Variants in PHRF1 observed in about 807,000 individuals in gnomAD.
PHRF1 encodes the protein PHD and RING finger domain-containing protein 1.
PHRF1 carries 53 observed loss-of-function variants against 128.9 expected under a neutral mutation model. The observed-to-expected ratio is 0.41, with a 90% CI of 0.33 to 0.52. PHRF1 has a LOEUF of 0.52. Among genes scored for constraint, PHRF1 ranks in the 20% least tolerant of loss-of-function variants. The pLI is 0.21. For synonymous variants in PHRF1, 1,178 were observed against 980.6 expected, an observed-to-expected ratio of 1.20 and a Z score of -3.76; for missense variants, 2,503 against 2,284.5, an observed-to-expected ratio of 1.10 and a Z score of -1.95.
rs764814075 is a variant in PHRF1, at chr11:581,568, A to G, written c.56A>G (p.His19Arg). 6.2e-7 allele frequency: 1 copy of G among 1,613,256 alleles called. No individual in the cohort carries two copies. Among genetic ancestry groups the G allele is most frequent in the African/African-American group, 1.3e-5 (1 of 74,928 alleles). Residue 19 changes from histidine (H) to arginine (R), a missense_variant, in exon 2 of 18, where the codon CAC (histidine) becomes CGC (arginine). By Grantham distance (29) the His-to-Arg change is conservative. Transcript: ENST00000264555. ...GCCCGGAGCCCAGGGCCGGATGGACACCCACAGGTCGGCCCTGCGGACCCG... is the reference window on the plus strand; with the variant it reads ...GCCCGGAGCCCAGGGCCGGATGGACGCCCACAGGTCGGCCCTGCGGACCCG... ...LVARSPGPDG[H>R]PQVGPADPAG...
At chr11:578,794 G>T (rs1290026069) in intron 1 of PHRF1, among the ~76,000 whole-genome samples, 1 of 152,024 alleles carries the variant, frequency 6.6e-6, no homozygotes, top group Non-Finnish European at 1.5e-5. Flanking sequence ...CAAGTGATCT[G>T]CCTGCCTCAG....
chr11:583,122 G>T (rs11246201), intron 3 of PHRF1, among the ~76,000 whole-genome samples: 3 of 151,482 alleles, frequency 2.0e-5, no homozygotes, highest in Admixed American at 2.0e-4. Flanking sequence ...GGGCGGATCA[G>T]GAGGTCAGGA....
intron 10 of PHRF1, among the ~76,000 whole-genome samples, chr11:602,067 A>T (rs1197955676): frequency 6.6e-6 from 1 of 152,042 alleles, no homozygotes. Flanking sequence ...GGTTTCAGGC[A>T]GGCCTGGCCA....
intron 1 of PHRF1, among the ~76,000 whole-genome samples, chr11:577,521 T>C (rs1236203118): frequency 6.6e-6 from 1 of 152,236 alleles, no homozygotes; most frequent in Non-Finnish European, 1.5e-5. Context: ...GTCAGAGTGC[T>C]AGTGGATGGA....
intron 12 of PHRF1, 43 bp from the exon 13 acceptor site, chr11:606,399 C>T (rs7929316): frequency 0.051 from 77,148 of 1,512,688 alleles, 3,076 homozygotes; most frequent in African/African-American, 0.2. Flanking sequence ...GCCCTCAGGC[C>T]GTGGGAGGCA....
At chr11:610,930 G>T (rs770734159) in intron 16 of PHRF1, 24 bp from the exon 17 acceptor site, 2 of 1,609,342 alleles carry the variant, frequency 1.2e-6, no homozygotes, top group South Asian at 2.2e-5. Context: ...CTTCCTGGCC[G>T]CATCACACAC....
Position 610,361 on chromosome 11 carries a change from C to A in PHRF1, c.4416+14C>A. 1 of 1,551,808 alleles carries A rather than the reference C, an allele frequency of 6.4e-7. No homozygotes were observed. Among genetic ancestry groups the A allele is most frequent in the Non-Finnish European group, 8.7e-7 (1 of 1,147,102 alleles). Reference sequence around the variant, plus strand: ...GACCCCTCTCAGGTGGGTGTCTGGGCTGGAGGGCTGTGGGCCGTGGGCAGT... The same window carrying A: ...GACCCCTCTCAGGTGGGTGTCTGGGATGGAGGGCTGTGGGCCGTGGGCAGT... On this transcript the variant is annotated intron_variant, in intron 15 of 17. Transcript: ENST00000264555.
intron 16 of PHRF1, 83 bp from the exon 17 acceptor site, chr11:610,871 A>G (rs778314328): frequency 4.5e-4 from 712 of 1,587,396 alleles, no homozygotes; most frequent in Non-Finnish European, 5.8e-4. Flanking sequence ...CTGGAACTGC[A>G]AGGGTGTCCA....
At position 587,239 on chromosome 11, in the gene PHRF1, C is replaced by G. The variant is rs1029297899; in HGVS notation, c.215-20C>G. 3 of 1,610,540 alleles carry G rather than the reference C, an allele frequency of 1.9e-6. No individual in the cohort carries two copies. The highest frequency in any genetic ancestry group is 2.5e-6 in the Non-Finnish European group (3 of 1,178,792). ...ACGCTGCCCATCCTGCTTGCACCAG[C>G]TGGCATGTTTCCTCTCCAGGTTCCG... is the stretch of plus-strand genomic sequence containing the variant. On this transcript the variant is annotated intron_variant, in intron 3 of 17. Coordinates refer to ENST00000264555, the MANE Select transcript of PHRF1 (RefSeq NM_001286581.2).
Position 609,408 on chromosome 11 carries a change from G to A in PHRF1, c.3952G>A (p.Ala1318Thr), listed in dbSNP as rs1030368993. The A allele has an allele frequency of 1.6e-5, 25 of 1,609,956 alleles. No individual in the cohort carries two copies. Among genetic ancestry groups the A allele is most frequent in the Middle Eastern group, 1.6e-4 (1 of 6,084 alleles). ...GCCCCCAGCCAGCCTGGCCGTGGCC[G>A]CCATCCAGAGGGAGGTGTCATTGAT... ...ALPPASLAVA[A>T]IQREVSLMHD... Residue 1318 changes from alanine (A) to threonine (T), a missense_variant, in exon 14 of 18, where the codon GCC becomes ACC. Transcript: ENST00000264555.
chr11:589,880 A>AGG (rs1307798393), intron 4 of PHRF1, among the ~76,000 whole-genome samples: 2 of 143,036 alleles, frequency 1.4e-5, no homozygotes, highest in Non-Finnish European at 3.0e-5. Flanking sequence ...TCAGCCTGAG[A>AGG]ATGTCTGCAA....
rs748342294 is a variant in PHRF1 at position 611,022 on chromosome 11, C to T, written c.4746C>T (p.Tyr1582=). ...EEVKLAIKPF[Y]QKREVTKEEY... is the part of the protein sequence containing the mutation. The stretch of plus-strand genomic sequence containing the variant: ...TGAAGCTGGCCATCAAGCCCTTCTA[C>T]CAGAAGAGGGAGGTGACCAAGGAGG... The change falls in exon 17 of 18, where the codon TAC becomes TAT. Residue 1582 remains tyrosine (Y), a synonymous_variant. Coordinates refer to ENST00000264555, the MANE Select transcript of PHRF1 (RefSeq NM_001286581.2). The T allele has an allele frequency of 3.7e-6, 6 of 1,613,458 alleles. No homozygotes were observed. In the South Asian group the frequency reaches 4.4e-5, roughly 12 times the overall value.
rs1451166193 is a variant in PHRF1 at position 608,405 on chromosome 11, A to G, written c.2949A>G (p.Arg983=). 1 of 1,611,562 alleles carries G rather than the reference A, an allele frequency of 6.2e-7. No individual in the cohort carries two copies. Among genetic ancestry groups the G allele is most frequent in the African/African-American group, 1.3e-5 (1 of 74,936 alleles). ...ACGTGCTGCAGGCTGCCACCCACAG[A>G]GTCGTGGAGCTCAGGCCCCCTTCCC... ...SPDVLQAATH[R]VVELRPPSRS... is the part of the protein sequence containing the mutation. Residue 983 remains arginine, a synonymous_variant, in exon 14 of 18, where the codon AGA becomes AGG. Transcript: ENST00000264555.
At chr11:583,077 A>C (rs894615906) in intron 3 of PHRF1, among the ~76,000 whole-genome samples, 2 of 150,616 alleles carry the variant, frequency 1.3e-5, no homozygotes, top group Admixed American at 1.3e-4. Context: ...GCGGTGGCTC[A>C]CGCCTGTAAT....
chr11:609,703 C>T lies in PHRF1; in HGVS notation c.4247C>T (p.Ala1416Val), dbSNP rs1856233051. ...CAGGAGTCGGAGAGCAGCGCCCCCG[C>T]CGAGGACAGAGCCCCCCGTGAGTAG... ...NLQESESSAP[A>V]EDRAPRAPLH... The change falls in exon 14 of 18, where the codon GCC becomes GTC. Residue 1416 changes from alanine (A) to valine (V), a missense_variant. Coordinates refer to ENST00000264555, the MANE Select transcript of PHRF1 (RefSeq NM_001286581.2). 2.0e-6 allele frequency: 3 copies of T among 1,502,730 alleles called. No individual in the cohort carries two copies. Among genetic ancestry groups the T allele is most frequent in the Admixed American group, 2.1e-5 (1 of 47,452 alleles). The allele number at this position is 1,502,730 out of a possible 1,614,324, so 93.1% of individuals were successfully genotyped here. A position where few individuals can be genotyped will look rare whatever the true frequency, so the allele number is the denominator to read the frequency against.
At chr11:594,103 G>A (rs570993164) in intron 6 of PHRF1, among the ~76,000 whole-genome samples, 66 of 152,186 alleles carry the variant, frequency 4.3e-4, no homozygotes, top group African/African-American at 1.5e-3. Flanking sequence ...TATGCAGAAT[G>A]CTTAAAAAGA....
Position 597,304 on chromosome 11 carries a change from GC to G in PHRF1, c.719-90del. ...TGTGCACAGGTCAGCCCGAGCCAGG[GC>G]TGCTACTTGGCCGGCAGCCACAGGG... On this transcript the variant is annotated intron_variant, in intron 7 of 17. Coordinates refer to ENST00000264555, the MANE Select transcript of PHRF1 (RefSeq NM_001286581.2). The surrounding 1 kb of genome is among the most constrained non-coding windows in gnomAD (Gnocchi z 6.5). 1.3e-6 allele frequency: 2 copies of G among 1,486,746 alleles called. No individual in the cohort carries two copies. The highest frequency in any genetic ancestry group is 1.4e-5 in the African/African-American group (1 of 72,390). 92.1% of individuals were successfully genotyped at this position (1,486,746 alleles called of 1,614,324 possible).
Position 609,334 on chromosome 11 carries a change from A to G in PHRF1, c.3878A>G (p.Glu1293Gly), listed in dbSNP as rs777595671. 6.2e-7 allele frequency: 1 copy of G among 1,612,476 alleles called. No individual in the cohort carries two copies. The highest frequency in any genetic ancestry group is 2.2e-5 in the East Asian group (1 of 44,870). ...GACATGAGCTCGCCACCTTCTCCCG[A>G]AAGCACAGACTCTTCCCCGGAGCGA... ...LDDMSSPPSP[E>G]STDSSPERDF... The change falls in exon 14 of 18, where the codon GAA (glutamate) becomes GGA (glycine). Residue 1293 changes from glutamate to glycine, a missense_variant. Glu to Gly is a moderately conservative substitution (Grantham distance 98). Coordinates refer to ENST00000264555, the MANE Select transcript of PHRF1 (RefSeq NM_001286581.2).
intron 5 of PHRF1, among the ~76,000 whole-genome samples, chr11:592,038 C>T (rs933723036): frequency 1.3e-5 from 2 of 151,990 alleles, no homozygotes; most frequent in African/African-American, 2.4e-5. Flanking sequence ...GCCTCAGCCT[C>T]CCGAGTAGCT....
Sources: gnomAD v4.1 joint callset for allele counts (sites outside exome capture counted in the v4.1 genomes callset) on GRCh38, gnomAD v4.1.1 for gene constraint, Gnocchi (gnomAD v3.1) non-coding constraint, MANE v1.5 for transcripts, NCBI Gene and HGNC (gene_info 2026-07-23, HGNC 2026-07-21) for gene names.